IL7: variants seen among roughly 807,000 people sequenced by gnomAD.
The protein encoded by IL7 is interleukin-7.
A neutral mutation model predicts 21.6 loss-of-function variants in IL7; 3 were observed. The ratio of observed to expected loss-of-function variants is 0.14; its 90% CI spans 0.06 to 0.36. The LOEUF (loss-of-function observed/expected upper bound fraction) is 0.36, where lower values mean the gene tolerates loss of function less well. IL7 is among the 10% of genes least tolerant of loss of function. The pLI is 1.00. For missense variants in IL7, 175 were observed against 200.2 expected (o/e 0.87, Z 0.76); for synonymous variants, 62 against 68.1 (o/e 0.91, Z 0.44).
chr8:78,749,372 C>T (rs116134721), intron 2 of IL7, among the ~76,000 whole-genome samples: 2,747 of 151,982 alleles, frequency 0.018, 67 homozygotes, highest in African/African-American at 0.055. Flanking sequence ...GTTGCCAATC[C>T]ATACTTAAAA....
chr8:78,751,568 T>A (rs1455879633), intron 2 of IL7, among the ~76,000 whole-genome samples: 1 of 152,204 alleles, frequency 6.6e-6, no homozygotes, highest in Non-Finnish European at 1.5e-5. Flanking sequence ...AGGAACAACA[T>A]CAGAGAATAA....
At chr8:78,777,182 A>G (rs1200259764) in intron 2 of IL7, among the ~76,000 whole-genome samples, 1 of 152,088 alleles carries the variant, frequency 6.6e-6, no homozygotes, top group African/African-American at 2.4e-5. Flanking sequence ...TATAATATCT[A>G]ATGCAGGCAT....
At chr8:78,798,552 G>A (rs1813941546) in intron 1 of IL7, among the ~76,000 whole-genome samples, 1 of 152,032 alleles carries the variant, frequency 6.6e-6, no homozygotes, top group Non-Finnish European at 1.5e-5. Flanking sequence ...TACAGGTAAA[G>A]AGGTGCACTA....
At chr8:78,687,913 A>ATT (rs34974282) in intron 3 of IL7, among the ~76,000 whole-genome samples, 2 of 11,570 alleles carry the variant, frequency 1.7e-4, no homozygotes, top group Non-Finnish European at 3.9e-4. Flanking sequence ...ATTTATATAA[A>ATT]TATATAATTA....
chr8:78,733,637 GA>G lies in IL7; in HGVS notation c.*75del. 6.7e-7 allele frequency: 1 copy of G among 1,500,034 alleles called. No homozygotes were observed. 92.9% of individuals were successfully genotyped at this position (1,500,034 alleles called of 1,614,324 possible). ...TAACTTCTAGGAAGCATTCCACTCT[GA>G]AAAACTGCATAAGCAGATAGATTCT... On this transcript the variant is annotated 3_prime_UTR_variant, in exon 6 of 6. Coordinates refer to ENST00000263851, the MANE Select transcript of IL7 (RefSeq NM_000880.4).
At chr8:78,705,100 C>T (rs1309756431) in intron 3 of IL7, among the ~76,000 whole-genome samples, 1 of 152,208 alleles carries the variant, frequency 6.6e-6, no homozygotes, top group African/African-American at 2.4e-5. Context: ...CTGCTTCTTT[C>T]ATTTCAGCTG....
intron 4 of IL7, among the ~76,000 whole-genome samples, chr8:78,676,654 C>T (rs936597414): frequency 1.5e-4 from 23 of 152,056 alleles, no homozygotes; most frequent in African/African-American, 5.5e-4. Context: ...TTCTTTAAAG[C>T]AAAGTGAGGA....
chr8:78,727,746 C>T (rs1297758085), intron 3 of IL7, among the ~76,000 whole-genome samples: 2 of 151,856 alleles, frequency 1.3e-5, no homozygotes, highest in African/African-American at 4.8e-5. Context: ...AAGTTGACAA[C>T]ATCTTGGCTG....
chr8:78,760,415 A>G (rs1176945103), intron 2 of IL7: 4 of 1,599,980 alleles, frequency 2.5e-6, no homozygotes, highest in African/African-American at 1.3e-5. Flanking sequence ...AAAAAACTTG[A>G]TGTCAGGCAG....
intron 3 of IL7, among the ~76,000 whole-genome samples, chr8:78,696,696 A>AGG (rs1810428123): frequency 6.6e-6 from 1 of 152,216 alleles, no homozygotes; most frequent in South Asian, 2.1e-4. Flanking sequence ...TGGTCTGGTG[A>AGG]GGATCGTGAA....
downstream of IL7, chr8:78,675,689 CTG>C: frequency 8.8e-7 from 1 of 1,132,432 alleles, no homozygotes; most frequent in Non-Finnish European, 1.2e-6. Flanking sequence ...TTCACAAAAA[CTG>C]ATAATTTACC....
chr8:78,676,264 G>C (rs1022887689), intron 4 of IL7, among the ~76,000 whole-genome samples: 2 of 151,898 alleles, frequency 1.3e-5, no homozygotes, highest in African/African-American at 4.8e-5. Flanking sequence ...TAAAATGTTG[G>C]GAGTTGTTGA....
intron 2 of IL7, among the ~76,000 whole-genome samples, chr8:78,768,897 T>C (rs1292889558): frequency 6.6e-6 from 1 of 152,148 alleles, no homozygotes; most frequent in Non-Finnish European, 1.5e-5. Flanking sequence ...AATCAATAAA[T>C]GTAATCCAGC....
At chr8:78,761,076 T>C in intron 2 of IL7, 1 of 1,610,234 alleles carries the variant, frequency 6.2e-7, no homozygotes. Context: ...TCACTATTTA[T>C]ACCATCTAAA....
intron 3 of IL7, chr8:78,686,383 A>G (rs1809971492): frequency 9.2e-7 from 1 of 1,090,510 alleles, no homozygotes; most frequent in African/African-American, 1.6e-5. Context: ...TTAAAATGAT[A>G]TGGAATTATC....
chr8:78,757,239 C>G (rs1008442967), intron 2 of IL7, among the ~76,000 whole-genome samples: 6 of 151,664 alleles, frequency 4.0e-5, no homozygotes, highest in Non-Finnish European at 5.9e-5. Flanking sequence ...TTCCATTGTA[C>G]TCTGGGAAGG....
At chr8:78,688,015 T>A (rs1810082084) in intron 3 of IL7, among the ~76,000 whole-genome samples, 1 of 148,304 alleles carries the variant, frequency 6.7e-6, no homozygotes. Flanking sequence ...TGAGCATGGC[T>A]GTGTTTCCGT....
chr8:78,698,580 T>G (rs1354607666), intron 3 of IL7: 2 of 1,204,722 alleles, frequency 1.7e-6, no homozygotes, highest in Non-Finnish European at 2.3e-6. Context: ...TTGTTATGTT[T>G]TGATAATTGC....
At chr8:78,691,859 T>G (rs986166415) in intron 3 of IL7, among the ~76,000 whole-genome samples, 1 of 152,156 alleles carries the variant, frequency 6.6e-6, no homozygotes, top group African/African-American at 2.4e-5. Flanking sequence ...GTACTCTTGA[T>G]GTGTATTGTT....
Sources: allele counts gnomAD v4.1 joint callset (sites outside exome capture counted in the v4.1 genomes callset), GRCh38; gene constraint gnomAD v4.1.1; transcripts MANE v1.5; gene names NCBI Gene and HGNC (gene_info 2026-07-23, HGNC 2026-07-21).